Variants in FSTL5 observed in about 807,000 individuals in gnomAD.
FSTL5 encodes follistatin-related protein 5.
A neutral mutation model predicts 89.1 loss-of-function variants in FSTL5; 62 were observed. The ratio of observed to expected loss-of-function variants is 0.70; its 90% confidence interval spans 0.57 to 0.86. FSTL5 has a LOEUF of 0.86. Ranked by LOEUF, FSTL5 falls within the 40% of genes least tolerant of loss-of-function variation. The pLI is 0.00. For synonymous variants in FSTL5, 383 were observed against 346.2 expected (o/e 1.11, Z -1.18); for missense variants, 1,057 against 1,001.6 (o/e 1.06, Z -0.75).
chr4:161,903,231 T>C (rs1165228997), intron 4 of FSTL5, among the ~76,000 whole-genome samples: 1 of 152,088 alleles, frequency 6.6e-6, no homozygotes, highest in Non-Finnish European at 1.5e-5. Context: ...GCCAACTCTT[T>C]TAGCACATTT....
intron 6 of FSTL5, among the ~76,000 whole-genome samples, chr4:161,756,158 C>T (rs573570523): frequency 2.6e-5 from 4 of 151,960 alleles, no homozygotes; most frequent in South Asian, 2.1e-4. Flanking sequence ...AAATATTTCC[C>T]GTAATTGCAG....
chr4:161,588,826 A>C (rs1254279152), intron 7 of FSTL5, among the ~76,000 whole-genome samples: 1 of 152,120 alleles, frequency 6.6e-6, no homozygotes, highest in African/African-American at 2.4e-5. Context: ...TCTAGAAGAC[A>C]CTGGAAGGGA....
intron 7 of FSTL5, among the ~76,000 whole-genome samples, chr4:161,613,573 C>A (rs1734732213): frequency 6.6e-6 from 1 of 151,950 alleles, no homozygotes; most frequent in African/African-American, 2.4e-5. Context: ...AGTGCAGGAC[C>A]AGGAGACAGG....
chr4:161,542,628 T>C lies in FSTL5; in HGVS notation c.1081A>G (p.Arg361Gly). The C allele has an allele frequency of 1.9e-6, 3 of 1,564,294 alleles. No homozygotes were observed. The highest frequency in any genetic ancestry group is 1.8e-5 in the Admixed American group (1 of 55,828). The change falls in exon 9 of 16, where the codon AGG becomes GGG. Residue 361 changes from arginine (R) to glycine (G), a missense_variant. By Grantham distance (125) the Arg-to-Gly change is moderately radical. This residue lies in a region of FSTL5 where 980 missense variants were observed against 903.2 expected (regional missense o/e 1.08). Transcript: ENST00000306100. ...AREPGVTASL[R>G]CHAEGIPKPQ... ...TTTGGTATGCCCTCTGCATGGCACC[T>C]AAGACTGGCAGTTACCCCAGGCTCT... is the stretch of plus-strand genomic sequence containing the variant.
intron 13 of FSTL5, among the ~76,000 whole-genome samples, chr4:161,465,031 T>C (rs1733704413): frequency 1.3e-5 from 2 of 152,168 alleles, no homozygotes; most frequent in African/African-American, 4.8e-5. Context: ...AACAGAAGAC[T>C]AAGAGTACTA....
intron 3 of FSTL5, among the ~76,000 whole-genome samples, chr4:162,003,326 G>A (rs1229492203): frequency 2.0e-5 from 3 of 152,084 alleles, no homozygotes; most frequent in African/African-American, 7.2e-5. Context: ...TATGAGGTTA[G>A]TTGTGTCATT....
intron 4 of FSTL5, among the ~76,000 whole-genome samples, chr4:161,807,196 TACACACACACACACAC>T (rs10561299): frequency 1.4e-5 from 2 of 146,514 alleles, no homozygotes; most frequent in Non-Finnish European, 3.0e-5. Flanking sequence ...CACATGAGAA[TACACACACACACACAC>T]ACACACACAC....
intron 4 of FSTL5, among the ~76,000 whole-genome samples, chr4:161,845,689 C>G (rs1225135536): frequency 3.3e-5 from 5 of 152,144 alleles, no homozygotes; most frequent in Admixed American, 1.3e-4. Context: ...TAACTCATTA[C>G]TTAATTGCTT....
chr4:161,695,690 T>C (rs1468061688), intron 6 of FSTL5, among the ~76,000 whole-genome samples: 2 of 152,126 alleles, frequency 1.3e-5, no homozygotes, highest in African/African-American at 4.8e-5. Flanking sequence ...GTAGTTTTGA[T>C]TTATTTTCAT....
chr4:161,569,463 G>A (rs1485793065), intron 8 of FSTL5, among the ~76,000 whole-genome samples: 7 of 151,972 alleles, frequency 4.6e-5, no homozygotes, highest in Admixed American at 4.6e-4. Flanking sequence ...TTCAAGGGTG[G>A]GGTAGAAAAA....
intron 7 of FSTL5, among the ~76,000 whole-genome samples, chr4:161,603,133 T>C (rs778666871): frequency 8.5e-5 from 13 of 152,118 alleles, no homozygotes; most frequent in Non-Finnish European, 1.9e-4. Context: ...TGTCACTTCA[T>C]GTGGAACAGT....
At chr4:161,779,787 A>ATATACATATATATGTATATATATATGTG in intron 4 of FSTL5, among the ~76,000 whole-genome samples, 1 of 30,116 alleles carries the variant, frequency 3.3e-5, no homozygotes, top group South Asian at 1.3e-3. Flanking sequence ...ATATATATAT[A>ATATACATATATATGTATATATATATGTG]TATATATATA....
At chr4:161,707,211 A>G (rs898799561) in intron 6 of FSTL5, among the ~76,000 whole-genome samples, 22 of 152,052 alleles carry the variant, frequency 1.4e-4, no homozygotes, top group African/African-American at 5.1e-4. Context: ...ACATGGTAGC[A>G]TTCACTTTTA....
At chr4:161,905,405 G>A (rs1048079466) in intron 4 of FSTL5, among the ~76,000 whole-genome samples, 1 of 152,050 alleles carries the variant, frequency 6.6e-6, no homozygotes, top group African/African-American at 2.4e-5. Flanking sequence ...CTGTTTTCAA[G>A]GAAGAGTTCC....
Position 161,739,957 on chromosome 4 carries a change from T to C in FSTL5, c.727+19454A>G, listed in dbSNP as rs112789087. ...CAAAAGGTAATTTGAGGATAAATAA[T>C]CCCAGATAGTAATTAATGTGTTCAA... On this transcript the variant is annotated intron_variant, in intron 6 of 15. Coordinates refer to ENST00000306100, the MANE Select transcript of FSTL5 (RefSeq NM_020116.5). 3.9e-3 allele frequency among the ~76,000 whole-genome samples: 599 copies of C among 152,158 alleles called. 5 individuals are homozygous for C. Among genetic ancestry groups the C allele is most frequent in the African/African-American group, 0.014 (571 of 41,546 alleles).
intron 4 of FSTL5, among the ~76,000 whole-genome samples, chr4:161,908,050 T>A (rs192061821): frequency 1.3e-5 from 2 of 152,114 alleles, no homozygotes; most frequent in East Asian, 3.9e-4. Flanking sequence ...GGCAAATAGG[T>A]TTGTTTTGAC....
intron 5 of FSTL5, among the ~76,000 whole-genome samples, chr4:161,767,740 C>T (rs891956632): frequency 7.9e-5 from 12 of 152,126 alleles, no homozygotes; most frequent in Admixed American, 2.0e-4. Context: ...TGAAATAGGA[C>T]GATTCAGAGT....
At chr4:161,618,178 C>T (rs1157385887) in intron 7 of FSTL5, among the ~76,000 whole-genome samples, 10 of 141,248 alleles carry the variant, frequency 7.1e-5, no homozygotes, top group South Asian at 2.5e-4. Context: ...GATTTTGTAT[C>T]CTGAGACTTT....
intron 6 of FSTL5, among the ~76,000 whole-genome samples, chr4:161,709,092 C>A (rs917826276): frequency 6.6e-6 from 1 of 152,022 alleles, no homozygotes; most frequent in African/African-American, 2.4e-5. Context: ...TTTAGTGGTC[C>A]TAAATGGACC....
Sources: allele counts gnomAD v4.1 joint callset (sites outside exome capture counted in the v4.1 genomes callset), GRCh38; gene constraint gnomAD v4.1.1; regional missense constraint gnomAD v4.1.1; transcripts MANE v1.5; gene names NCBI Gene and HGNC (gene_info 2026-07-23, HGNC 2026-07-21).